DCC: variants seen among roughly 807,000 people sequenced by gnomAD.
DCC encodes netrin receptor DCC.
Under a neutral mutation model 172.5 loss-of-function variants are expected in DCC, and 58 were observed. The ratio of observed to expected loss-of-function variants is 0.34; its 90% CI spans 0.27 to 0.42. The LOEUF (loss-of-function observed/expected upper bound fraction) is 0.42, where lower values mean the gene tolerates loss of function less well. Ranked by LOEUF, DCC falls within the 10% of genes least tolerant of loss-of-function variation. The pLI, the probability that DCC is intolerant of heterozygous loss-of-function variation, is 1.00. For synonymous variants in DCC, 709 were observed against 644.5 expected, an observed-to-expected ratio of 1.10 and a Z score of -1.52; for missense variants, 1,740 against 1,791.0, an observed-to-expected ratio of 0.97 and a Z score of 0.51.
At chr18:53,358,005 G>C (rs1279889318) in intron 15 of DCC, among the ~76,000 whole-genome samples, 4 of 152,084 alleles carry the variant, frequency 2.6e-5, no homozygotes, top group African/African-American at 4.8e-5. Context: ...GAGTTTTAAT[G>C]TGTGGGCTCT....
chr18:52,503,514 T>C (rs1295043216), intron 1 of DCC, among the ~76,000 whole-genome samples: 3 of 152,166 alleles, frequency 2.0e-5, no homozygotes, highest in Non-Finnish European at 4.4e-5. Context: ...AGGAAAAGCA[T>C]GCGATTGTGC....
At chr18:53,008,104 CAT>C (rs1333743484) in intron 5 of DCC, among the ~76,000 whole-genome samples, 3 of 152,034 alleles carry the variant, frequency 2.0e-5, no homozygotes, top group Admixed American at 2.0e-4. Context: ...ATCACATAGA[CAT>C]ATTTTTAGGA....
At chr18:53,051,000 C>G (rs1007877596) in intron 5 of DCC, among the ~76,000 whole-genome samples, 2 of 152,074 alleles carry the variant, frequency 1.3e-5, no homozygotes, top group African/African-American at 2.4e-5. Context: ...GAGGCTGAGG[C>G]AGGAGGACTG....
At chr18:53,403,105 C>T (rs1448010151) in intron 19 of DCC, among the ~76,000 whole-genome samples, 1 of 145,326 alleles carries the variant, frequency 6.9e-6, no homozygotes, top group Non-Finnish European at 1.6e-5. Context: ...CACACACACA[C>T]ACACACACAC....
At chr18:52,597,651 T>C (rs920680382) in intron 1 of DCC, among the ~76,000 whole-genome samples, 1 of 152,130 alleles carries the variant, frequency 6.6e-6, no homozygotes, top group African/African-American at 2.4e-5. Context: ...ACATCTTTAG[T>C]AGAACAAAGA....
chr18:53,426,331 TATG>T (rs1910945793), intron 21 of DCC, among the ~76,000 whole-genome samples: 1 of 144,862 alleles, frequency 6.9e-6, no homozygotes, highest in African/African-American at 2.5e-5. Flanking sequence ...TTATAAATTT[TATG>T]ATATATATTT....
chr18:53,281,386 A>G (rs1169383587), intron 12 of DCC, among the ~76,000 whole-genome samples: 1 of 152,166 alleles, frequency 6.6e-6, no homozygotes, highest in Non-Finnish European at 1.5e-5. Context: ...TAAGGTCAAC[A>G]CACACACGCA....
At chr18:52,639,830 TAGAG>T (rs1598978020) in intron 1 of DCC, among the ~76,000 whole-genome samples, 2 of 152,152 alleles carry the variant, frequency 1.3e-5, no homozygotes, top group Admixed American at 6.5e-5. Context: ...TTCCACAAGA[TAGAG>T]AAAGAAGAAA....
intron 1 of DCC, among the ~76,000 whole-genome samples, chr18:52,363,829 C>G (rs1323022315): frequency 6.6e-6 from 1 of 152,196 alleles, no homozygotes; most frequent in Non-Finnish European, 1.5e-5. Context: ...CTATGCCAAT[C>G]AGCTCCTAAA....
intron 1 of DCC, among the ~76,000 whole-genome samples, chr18:52,375,158 T>A (rs946312752): frequency 6.6e-6 from 1 of 152,220 alleles, no homozygotes; most frequent in African/African-American, 2.4e-5. Context: ...AGATTTTTAG[T>A]TATATATAGT....
intron 13 of DCC, among the ~76,000 whole-genome samples, chr18:53,313,735 T>G (rs765785740): frequency 6.6e-6 from 1 of 152,234 alleles, no homozygotes; most frequent in African/African-American, 2.4e-5. Flanking sequence ...TGCTTTAAAT[T>G]TGTTGCTAAT....
intron 12 of DCC, among the ~76,000 whole-genome samples, chr18:53,260,820 G>A (rs191551966): frequency 6.6e-6 from 1 of 152,140 alleles, no homozygotes; most frequent in Non-Finnish European, 1.5e-5. Context: ...ACAGAGGCAG[G>A]CAGGCCTCCT....
At chr18:52,721,137 G>A (rs964700254) in intron 1 of DCC, among the ~76,000 whole-genome samples, 11 of 152,096 alleles carry the variant, frequency 7.2e-5, no homozygotes, top group African/African-American at 2.7e-4. Flanking sequence ...TTAGCAGAGG[G>A]CCTCAGTGCC....
intron 7 of DCC, among the ~76,000 whole-genome samples, chr18:53,147,707 A>G (rs781298688): frequency 6.6e-6 from 1 of 152,200 alleles, no homozygotes; most frequent in South Asian, 2.1e-4. Context: ...TGTTTAGTGA[A>G]CCTGTCATTC....
intron 1 of DCC, among the ~76,000 whole-genome samples, chr18:52,721,592 T>C (rs1039969982): frequency 2.0e-5 from 3 of 152,174 alleles, no homozygotes; most frequent in Non-Finnish European, 4.4e-5. Context: ...AATGGGCCTT[T>C]TTCCTAAGGC....
intron 5 of DCC, among the ~76,000 whole-genome samples, chr18:53,023,683 C>T (rs1330539309): frequency 2.0e-5 from 3 of 152,168 alleles, no homozygotes; most frequent in East Asian, 3.9e-4. Flanking sequence ...ACTTGTTTGT[C>T]CTTTATGATA....
chr18:53,518,618 T>TTTTA (rs2046365535), intron 27 of DCC, among the ~76,000 whole-genome samples: 1 of 152,110 alleles, frequency 6.6e-6, no homozygotes, highest in Admixed American at 6.6e-5. Flanking sequence ...TCCAGCCCAT[T>TTTTA]TTTATTTTTT....
chr18:53,356,425 ATTC>A (rs1316344653), intron 15 of DCC, among the ~76,000 whole-genome samples: 15 of 152,076 alleles, frequency 9.9e-5, no homozygotes, highest in African/African-American at 2.9e-4. Flanking sequence ...TTTTTAAAAT[ATTC>A]TTGCATTTTG....
intron 8 of DCC, among the ~76,000 whole-genome samples, chr18:53,174,093 G>A (rs1334530871): frequency 3.0e-5 from 4 of 133,930 alleles, no homozygotes; most frequent in East Asian, 2.2e-4. Flanking sequence ...GGTACATAAC[G>A]AAATGAAGGC....
Sources: gnomAD v4.1 joint callset for allele counts (sites outside exome capture counted in the v4.1 genomes callset) on GRCh38, gnomAD v4.1.1 for gene constraint, MANE v1.5 for transcripts, NCBI Gene and HGNC (gene_info 2026-07-23, HGNC 2026-07-21) for gene names.